The following SRGAP2 variants were observed in gnomAD, a reference collection of about 807,000 sequenced individuals.
The protein encoded by SRGAP2 is SLIT-ROBO Rho GTPase-activating protein 2.
Under a neutral mutation model 57.2 loss-of-function variants are expected in SRGAP2, and 15 were observed. The observed-to-expected ratio is 0.26, with a 90% CI of 0.18 to 0.40. The LOEUF (loss-of-function observed/expected upper bound fraction) is 0.40, where lower values mean the gene tolerates loss of function less well. SRGAP2 is among the 10% of genes least tolerant of loss of function. The pLI, the probability that SRGAP2 is intolerant of heterozygous loss-of-function variation, is 1.00. For missense variants in SRGAP2, 520 were observed against 669.6 expected (o/e 0.78, Z 2.47); for synonymous variants, 249 against 248.0 (o/e 1.00, Z -0.04).
intron 2 of SRGAP2, among the ~76,000 whole-genome samples, chr1:206,269,049 TTA>T (rs1670051146): frequency 1.4e-5 from 2 of 146,738 alleles, no homozygotes; most frequent in East Asian, 2.0e-4. Context: ...GCAGTGTTAA[TTA>T]TAAGACCCAA....
intron 2 of SRGAP2, among the ~76,000 whole-genome samples, chr1:206,230,253 G>A (rs1292990379): frequency 2.0e-5 from 3 of 148,936 alleles, no homozygotes; most frequent in African/African-American, 5.0e-5. Flanking sequence ...CCTTTAGATC[G>A]ATGCTGAAGT....
intron 3 of SRGAP2, among the ~76,000 whole-genome samples, chr1:206,327,251 C>T (rs1362245199): frequency 2.0e-5 from 3 of 151,086 alleles, no homozygotes; most frequent in African/African-American, 7.3e-5. Context: ...CGCTTGAACC[C>T]AGGAGGCGGA....
At chr1:206,458,063 A>G (rs1663982087) in intron 21 of SRGAP2, among the ~76,000 whole-genome samples, 1 of 152,174 alleles carries the variant, frequency 6.6e-6, no homozygotes, top group Non-Finnish European at 1.5e-5. Context: ...AAAACGCACA[A>G]ACTGGGCCCC....
chr1:206,389,300 G>A (rs1292394192), intron 5 of SRGAP2, among the ~76,000 whole-genome samples: 27 of 146,588 alleles, frequency 1.8e-4, no homozygotes, highest in African/African-American at 4.1e-4. Flanking sequence ...TCAGCCTCCC[G>A]AGTAGCTGGG....
chr1:206,302,644 A>T (rs1298234936), intron 2 of SRGAP2, among the ~76,000 whole-genome samples: 4 of 152,200 alleles, frequency 2.6e-5, no homozygotes, highest in African/African-American at 9.7e-5. Flanking sequence ...GCCTGCCCAG[A>T]AGTTCTTGTG....
intron 10 of SRGAP2, among the ~76,000 whole-genome samples, chr1:206,411,621 G>T (rs1553359640): frequency 6.6e-6 from 1 of 152,210 alleles, no homozygotes; most frequent in Non-Finnish European, 1.5e-5. Context: ...CATGGGCTGG[G>T]TAGGTGTACT....
chr1:206,389,013 G>A (rs1317225241), intron 5 of SRGAP2, among the ~76,000 whole-genome samples: 1 of 151,590 alleles, frequency 6.6e-6, no homozygotes, highest in African/African-American at 2.4e-5. Flanking sequence ...ATAGACTTCA[G>A]CTAATCCTCC....
At chr1:206,417,879 T>G (rs1659878475) in intron 11 of SRGAP2, among the ~76,000 whole-genome samples, 1 of 151,660 alleles carries the variant, frequency 6.6e-6, no homozygotes, top group Non-Finnish European at 1.5e-5. Flanking sequence ...GGTTATCACA[T>G]CACTCCATGG....
At chr1:206,298,959 T>G (rs1274282137) in intron 2 of SRGAP2, among the ~76,000 whole-genome samples, 1 of 152,202 alleles carries the variant, frequency 6.6e-6, no homozygotes, top group Non-Finnish European at 1.5e-5. Context: ...CCATGCCTCT[T>G]TAGACAGGGC....
intron 3 of SRGAP2, chr1:206,333,250 T>C: frequency 1.1e-6 from 1 of 937,480 alleles, no homozygotes; most frequent in Non-Finnish European, 1.7e-6. Flanking sequence ...GTCTTCTGCG[T>C]CGCTCACGCT....
At chr1:206,448,632 C>T (rs1050307868) in intron 18 of SRGAP2, among the ~76,000 whole-genome samples, 5 of 152,006 alleles carry the variant, frequency 3.3e-5, no homozygotes, top group African/African-American at 9.7e-5. Flanking sequence ...GAAGATGGGG[C>T]GCTGTTTTTT....
chr1:206,422,015 T>G (rs2103251144), intron 13 of SRGAP2, among the ~76,000 whole-genome samples: 1 of 152,340 alleles, frequency 6.6e-6, no homozygotes, highest in South Asian at 2.1e-4. Context: ...TGAAATGATT[T>G]TATGTCCCCT....
Position 206,262,357 on chromosome 1 carries a change from A to G in SRGAP2, c.68-40924A>G, listed in dbSNP as rs1553313702. Among the ~76,000 whole-genome samples, 4 of 148,504 alleles carry G rather than the reference A, an allele frequency of 2.7e-5. No individual in the cohort carries two copies. The South Asian group carries it at 8.5e-4, about 32-fold the overall frequency. On this transcript the variant is annotated intron_variant, in intron 2 of 22. Coordinates refer to ENST00000573034, the MANE Select transcript of SRGAP2 (RefSeq NM_015326.5). The stretch of plus-strand genomic sequence containing the variant: ...ATAATAGAAATAAAGTTGGCCCTCA[A>G]TAGGTGGTAGCTGATACTATTAATA...
Position 206,454,423 on chromosome 1 carries a change from A to G in SRGAP2, c.2361-455A>G. 1.8e-6 allele frequency: 1 copy of G among 540,964 alleles called. No individual in the cohort carries two copies. Among genetic ancestry groups the G allele is most frequent in the Non-Finnish European group, 3.3e-6 (1 of 305,360 alleles). 33.5% of individuals were successfully genotyped at this position (540,964 alleles called of 1,614,324 possible). A position where few individuals can be genotyped will look rare whatever the true frequency, so the allele number is the denominator to read the frequency against. ...TGAGCGGGGCTAGAGGCGCTACGAC[A>G]GTGTGTGGCGGTGTCCTGCCACGAC... is the stretch of plus-strand genomic sequence containing the variant. On this transcript the variant is annotated intron_variant, in intron 20 of 22. Coordinates refer to ENST00000573034, the MANE Select transcript of SRGAP2 (RefSeq NM_015326.5). This position sits in a 1 kb window ranked among gnomAD's most constrained non-coding sequence, Gnocchi z 4.3.
intron 3 of SRGAP2, among the ~76,000 whole-genome samples, chr1:206,332,809 C>T (rs1236967928): frequency 2.1e-3 from 316 of 152,024 alleles, no homozygotes; most frequent in African/African-American, 7.2e-3. Flanking sequence ...TCTCTCAGCT[C>T]GTCAAAATCA....
intron 14 of SRGAP2, among the ~76,000 whole-genome samples, chr1:206,433,222 TA>T (rs1438040778): frequency 1.3e-5 from 2 of 152,184 alleles, no homozygotes; most frequent in Non-Finnish European, 2.9e-5. Context: ...TGGTTACTTA[TA>T]GGGGATGGAT....
intron 14 of SRGAP2, among the ~76,000 whole-genome samples, chr1:206,431,001 GA>G (rs1318483852): frequency 5.9e-5 from 9 of 152,304 alleles, no homozygotes; most frequent in African/African-American, 2.2e-4. Flanking sequence ...TCTGTGATAG[GA>G]AAAGGGGCAG....
At chr1:206,434,620 T>A (rs1553369363) in intron 14 of SRGAP2, among the ~76,000 whole-genome samples, 2 of 152,258 alleles carry the variant, frequency 1.3e-5, no homozygotes, top group Non-Finnish European at 2.9e-5. Context: ...CACTTATTAA[T>A]GTTTCTGCTT....
chr1:206,376,878 C>T (rs1571997781), intron 4 of SRGAP2, among the ~76,000 whole-genome samples: 3 of 150,114 alleles, frequency 2.0e-5, no homozygotes. Flanking sequence ...ATGGAGTTTC[C>T]ACTTTTAATA....
Sources: gnomAD v4.1 joint callset for allele counts (sites outside exome capture counted in the v4.1 genomes callset) on GRCh38, gnomAD v4.1.1 for gene constraint, Gnocchi (gnomAD v3.1) non-coding constraint, MANE v1.5 for transcripts, NCBI Gene and HGNC (gene_info 2026-07-23, HGNC 2026-07-21) for gene names.